Variants in GABPB1 observed in about 807,000 individuals in gnomAD.
GABPB1 encodes the protein GA-binding protein subunit beta-1.
GABPB1 carries 15 observed loss-of-function variants against 45.9 expected under a neutral mutation model. The ratio of observed to expected loss-of-function variants is 0.33; its 90% CI spans 0.22 to 0.50. GABPB1 has a LOEUF of 0.50. Among genes scored for constraint, GABPB1 ranks in the 20% least tolerant of loss-of-function variants. The probability of loss-of-function intolerance (pLI) is 0.98; values close to 1 mark genes in which losing one functional copy is unlikely to be tolerated. For missense variants in GABPB1, 252 were observed against 457.5 expected (o/e 0.55, Z 4.10); for synonymous variants, 143 against 154.4 (o/e 0.93, Z 0.55).
intron 8 of GABPB1, among the ~76,000 whole-genome samples, chr15:50,279,812 T>A (rs1177193576): frequency 2.0e-5 from 3 of 152,144 alleles, no homozygotes; most frequent in African/African-American, 7.2e-5. Context: ...AGGTCCACAG[T>A]GGACAAGACA....
intron 4 of GABPB1, 61 bp downstream of exon 4, chr15:50,302,868 G>C: frequency 9.2e-7 from 1 of 1,088,378 alleles, no homozygotes; most frequent in South Asian, 1.4e-5. Context: ...CAATATAAGA[G>C]ATCCCTCTAC....
At position 50,278,454 on chromosome 15, in the gene GABPB1, C is replaced by A. The variant is rs544721048; in HGVS notation, c.*178G>T. Reference sequence around the variant, plus strand: ...AGAATTCAGTTTTAAATACATTTCACAACTTCTAAAGTAAAGTTTTATGTT... The same window carrying A: ...AGAATTCAGTTTTAAATACATTTCAAAACTTCTAAAGTAAAGTTTTATGTT... On this transcript the variant is annotated 3_prime_UTR_variant, in exon 9 of 9. Coordinates refer to ENST00000380877, the MANE Select transcript of GABPB1 (RefSeq NM_016654.5). The A allele has an allele frequency of 5.0e-6, 2 of 401,562 alleles. No homozygotes were observed. The highest frequency in any genetic ancestry group is 2.1e-5 in the African/African-American group (1 of 48,322). The allele number at this position is 401,562 out of a possible 1,614,324, so 24.9% of individuals were successfully genotyped here.
At chr15:50,291,894 G>C (rs2046353161) in intron 6 of GABPB1, among the ~76,000 whole-genome samples, 1 of 147,180 alleles carries the variant, frequency 6.8e-6, no homozygotes, top group Admixed American at 6.8e-5. Flanking sequence ...CTCCAGCCTG[G>C]GTGACAGAGT....
chr15:50,336,517 T>TAA (rs1375774452), intron 1 of GABPB1, among the ~76,000 whole-genome samples: 3 of 151,658 alleles, frequency 2.0e-5, no homozygotes, highest in African/African-American at 7.3e-5. Flanking sequence ...CAAAAAAATT[T>TAA]AAAAAAATTT....
At chr15:50,347,436 A>G (rs1468762455) in intron 1 of GABPB1, 1 of 152,084 alleles carries the variant, frequency 6.6e-6, no homozygotes, top group Non-Finnish European at 1.5e-5. Flanking sequence ...AATATGGAAC[A>G]CATCATAAAT....
At chr15:50,325,550 G>T (rs544538854) in intron 1 of GABPB1, among the ~76,000 whole-genome samples, 249 of 147,710 alleles carry the variant, frequency 1.7e-3, no homozygotes, top group South Asian at 2.5e-3. Flanking sequence ...TTTTTTTCTT[G>T]AGATGGAGTC....
intron 1 of GABPB1, among the ~76,000 whole-genome samples, chr15:50,315,536 CAT>C (rs1275307183): frequency 5.3e-5 from 8 of 152,220 alleles, no homozygotes; most frequent in African/African-American, 1.2e-4. Context: ...AGAAAATACA[CAT>C]GAGATCAAGC....
chr15:50,343,579 C>A lies in GABPB1; in HGVS notation c.-1+11406G>T, dbSNP rs185612053. ...TTTTAGATGGAGTCTCGCTCTGTCA[C>A]CAGGCTGGAGGTGCAGTGGTGCCAT... On this transcript the variant is annotated intron_variant, in intron 1 of 8. Coordinates refer to ENST00000380877, the MANE Select transcript of GABPB1 (RefSeq NM_016654.5). 1.9e-4 allele frequency among the ~76,000 whole-genome samples: 29 copies of A among 152,112 alleles called. 1 individual carries two copies. In the East Asian group the frequency reaches 3.3e-3, roughly 17 times the overall value.
At position 50,312,863 on chromosome 15, in the gene GABPB1, T is replaced by A. The variant is rs143464833; in HGVS notation, c.1-3065A>T. ...CCACCTTTTGAAACTGGGTTGTCTG[T>A]CTTTTTTTTATTGATTTGTAAGCGT... On this transcript the variant is annotated intron_variant, in intron 1 of 8. Transcript: ENST00000380877. Among the ~76,000 whole-genome samples, 114 of 152,286 alleles carry A rather than the reference T, an allele frequency of 7.5e-4. 2 individuals carry two copies. Among genetic ancestry groups the A allele is most frequent in the African/African-American group, 2.5e-3 (103 of 41,572 alleles).
chr15:50,310,599 T>A (rs769266865), intron 1 of GABPB1, among the ~76,000 whole-genome samples: 17 of 152,344 alleles, frequency 1.1e-4, no homozygotes, highest in Non-Finnish European at 2.5e-4. Flanking sequence ...ACATGCAATG[T>A]ATATTTAAGT....
At chr15:50,352,772 A>G (rs1019660180) in intron 1 of GABPB1, 1 of 152,226 alleles carries the variant, frequency 6.6e-6, no homozygotes, top group Non-Finnish European at 1.5e-5. Context: ...AGAACTATAG[A>G]CTGACAGATT....
chr15:50,299,516 C>T (rs2046649344), intron 6 of GABPB1, among the ~76,000 whole-genome samples: 1 of 152,208 alleles, frequency 6.6e-6, no homozygotes, highest in Non-Finnish European at 1.5e-5. Context: ...TCTCCTGCCT[C>T]AGCCTCCCGA....
intron 1 of GABPB1, chr15:50,349,692 A>G (rs907322176): frequency 6.6e-6 from 1 of 152,254 alleles, no homozygotes; most frequent in Non-Finnish European, 1.5e-5. Flanking sequence ...AAAACACTAC[A>G]TGCATTTACA....
chr15:50,336,056 A>C (rs993472792), intron 1 of GABPB1, among the ~76,000 whole-genome samples: 4 of 151,926 alleles, frequency 2.6e-5, no homozygotes, highest in Non-Finnish European at 5.9e-5. Context: ...AATATATTAG[A>C]AAATGATTTT....
rs1043271061 is a variant in GABPB1 at position 50,355,036 on chromosome 15, G to A, written c.-52C>T. The A allele has an allele frequency of 3.2e-5, 5 of 155,400 alleles. No individual in the cohort carries two copies. Among genetic ancestry groups the A allele is most frequent in the African/African-American group, 1.2e-4 (5 of 41,484 alleles). The allele number at this position is 155,400 out of a possible 1,614,324, so 9.6% of individuals were successfully genotyped here. A position where few individuals can be genotyped will look rare whatever the true frequency, so the allele number is the denominator to read the frequency against. ...GGAAGGCAGCAGGAGGTGGTGCGGG[G>A]ACCCGAGGCGCCTCGTACCCGGCCG... On this transcript the variant is annotated 5_prime_UTR_variant, in exon 1 of 9. Coordinates refer to ENST00000380877, the MANE Select transcript of GABPB1 (RefSeq NM_016654.5).
chr15:50,316,162 C>A (rs2047319960), intron 1 of GABPB1, among the ~76,000 whole-genome samples: 1 of 152,206 alleles, frequency 6.6e-6, no homozygotes, highest in African/African-American at 2.4e-5. Context: ...CAAATAAGTT[C>A]TTTACTCCAA....
intron 2 of GABPB1, among the ~76,000 whole-genome samples, chr15:50,308,359 G>A (rs1320007436): frequency 1.3e-5 from 2 of 152,216 alleles, no homozygotes; most frequent in Non-Finnish European, 2.9e-5. Flanking sequence ...GGCTGCAAGT[G>A]TGTAAAAAGG....
chr15:50,286,185 TA>T lies in GABPB1; in HGVS notation c.884-3del. The stretch of plus-strand genomic sequence containing the variant: ...TGTCTGTTGCTGGTACTGTTAATAC[TA>T]AAATGAAAAAAAAATTATGTATTAC... On this transcript the variant is annotated splice_polypyrimidine_tract_variant and splice_region_variant and intron_variant, in intron 7 of 8. Transcript: ENST00000380877. 1 of 1,516,790 alleles carries T rather than the reference TA, an allele frequency of 6.6e-7. No homozygotes were observed. The highest frequency in any genetic ancestry group is 8.9e-7 in the Non-Finnish European group (1 of 1,126,150). The allele number at this position is 1,516,790 out of a possible 1,614,324, so 94.0% of individuals were successfully genotyped here.
chr15:50,290,832 G>A (rs563286636), intron 6 of GABPB1, among the ~76,000 whole-genome samples: 1 of 152,254 alleles, frequency 6.6e-6, no homozygotes, highest in African/African-American at 2.4e-5. Context: ...GAAAGCCTTA[G>A]AGAGGATTCT....
Sources: allele counts gnomAD v4.1 joint callset (sites outside exome capture counted in the v4.1 genomes callset), GRCh38; gene constraint gnomAD v4.1.1; transcripts MANE v1.5; gene names NCBI Gene and HGNC (gene_info 2026-07-23, HGNC 2026-07-21).